The following RSPO2 variants were observed in gnomAD, a reference collection of about 807,000 sequenced individuals.
The protein encoded by RSPO2 is R-spondin 2.
RSPO2 carries 14 observed loss-of-function variants against 30.9 expected under a neutral mutation model. That is an observed-to-expected ratio of 0.45 (90% CI 0.30 to 0.71). The LOEUF is 0.71. RSPO2 is among the 30% of genes least tolerant of loss of function. The pLI is 0.08. For missense variants in RSPO2, 264 were observed against 301.9 expected (o/e 0.87, Z 0.93); for synonymous variants, 107 against 96.4 (o/e 1.11, Z -0.64).
In RSPO2 at chr8:107,929,064, C is replaced by T. The variant is rs796663831; in HGVS notation, c.617-27874G>A. On this transcript the variant is annotated intron_variant, in intron 5 of 5. Transcript: ENST00000276659. ...TGACACTGTTGCAAGGCCAATGCCACGGCTGCTGCCACAGCTCAGTCACAC... is the reference window on the plus strand; with the variant it reads ...TGACACTGTTGCAAGGCCAATGCCATGGCTGCTGCCACAGCTCAGTCACAC... Among the ~76,000 whole-genome samples, 33 of 152,278 alleles carry T rather than the reference C, an allele frequency of 2.2e-4. 1 individual carries two copies. Among genetic ancestry groups the T allele is most frequent in the East Asian group, 5.8e-4 (3 of 5,166 alleles).
chr8:107,974,225 G>C (rs1011831806), intron 3 of RSPO2, among the ~76,000 whole-genome samples: 5 of 151,478 alleles, frequency 3.3e-5, no homozygotes, highest in African/African-American at 1.2e-4. Context: ...AGCGGCTTAT[G>C]CCAGTAATTC....
intron 5 of RSPO2, among the ~76,000 whole-genome samples, chr8:107,923,422 C>T (rs992914962): frequency 2.0e-5 from 3 of 151,982 alleles, no homozygotes; most frequent in South Asian, 2.1e-4. Flanking sequence ...AAATATCAGA[C>T]GCTAGTGAGG....
chr8:107,972,929 T>C (rs914356270), intron 3 of RSPO2, among the ~76,000 whole-genome samples: 63 of 152,292 alleles, frequency 4.1e-4, no homozygotes, highest in African/African-American at 1.5e-3. Flanking sequence ...TTGAATGTTT[T>C]GATATTTTTA....
rs145901603 is a variant in RSPO2, at chr8:107,909,366, G to A, written c.617-8176C>T. Among the ~76,000 whole-genome samples the A allele has an allele frequency of 7.5e-3, 1,113 of 149,152 alleles. 11 individuals are homozygous for A. The highest frequency in any genetic ancestry group is 0.024 in the African/African-American group (995 of 40,868). Reference sequence around the variant, plus strand: ...CAACCTCCGCTTCCTGGCTTCAAGCGATTCTCCTGCCTCAGCCTCCTGAGT... The same window carrying A: ...CAACCTCCGCTTCCTGGCTTCAAGCAATTCTCCTGCCTCAGCCTCCTGAGT... On this transcript the variant is annotated intron_variant, in intron 5 of 5. Transcript: ENST00000276659.
Position 107,903,316 on chromosome 8 carries a change from G to T in RSPO2, c.617-2126C>A, listed in dbSNP as rs570209435. Among the ~76,000 whole-genome samples the T allele has an allele frequency of 9.2e-5, 14 of 152,136 alleles. No individual in the cohort carries two copies. In the South Asian group the frequency reaches 1.9e-3, roughly 20 times the overall value. On this transcript the variant is annotated intron_variant, in intron 5 of 5. Coordinates refer to ENST00000276659, the MANE Select transcript of RSPO2 (RefSeq NM_178565.5). ...ATTTTAATACTGAATATATGTTAAA[G>T]AATATATGTTAAAGAAAGCTTTTCA...
At chr8:107,925,248 C>T (rs1294060789) in intron 5 of RSPO2, among the ~76,000 whole-genome samples, 1 of 151,662 alleles carries the variant, frequency 6.6e-6, no homozygotes, top group Non-Finnish European at 1.5e-5. Context: ...AATCACCACT[C>T]GAGAACCCAT....
chr8:108,018,382 T>C (rs1000842226), intron 2 of RSPO2, among the ~76,000 whole-genome samples: 2 of 152,184 alleles, frequency 1.3e-5, no homozygotes, highest in African/African-American at 4.8e-5. Context: ...AACCAATATT[T>C]CCCAAACCTT....
intron 2 of RSPO2, chr8:107,996,796 T>C (rs761950758): frequency 2.0e-5 from 7 of 344,146 alleles, no homozygotes; most frequent in Non-Finnish European, 3.4e-5. Flanking sequence ...CACAAAGATC[T>C]CAGAGTCAAC....
At chr8:107,937,535 A>T (rs1812758246) in intron 5 of RSPO2, among the ~76,000 whole-genome samples, 1 of 149,592 alleles carries the variant, frequency 6.7e-6, no homozygotes, top group Non-Finnish European at 1.5e-5. Context: ...ATCTGAAGGC[A>T]TTTTTTTTCC....
chr8:108,070,650 T>C (rs147496888), intron 2 of RSPO2, among the ~76,000 whole-genome samples: 95 of 152,216 alleles, frequency 6.2e-4, no homozygotes, highest in African/African-American at 2.1e-3. Context: ...CAACAAGACT[T>C]TATATTTAAC....
chr8:107,914,724 C>T (rs943980502), intron 5 of RSPO2, among the ~76,000 whole-genome samples: 3 of 152,104 alleles, frequency 2.0e-5, no homozygotes, highest in African/African-American at 7.2e-5. Flanking sequence ...TGAATTAAGA[C>T]ACTTCTGGAA....
chr8:107,989,316 A>C, intron 2 of RSPO2, 72 bp from the exon 3 acceptor site: 1 of 916,976 alleles, frequency 1.1e-6, no homozygotes, highest in Non-Finnish European at 1.6e-6. Flanking sequence ...ACCTGCTGAA[A>C]AGACAAATGT....
At chr8:108,009,855 G>C (rs1016222322) in intron 2 of RSPO2, among the ~76,000 whole-genome samples, 1 of 152,046 alleles carries the variant, frequency 6.6e-6, no homozygotes, top group Non-Finnish European at 1.5e-5. Flanking sequence ...TTCAAGACAA[G>C]CCTGGATGAC....
chr8:107,951,834 G>C (rs2130412148), intron 5 of RSPO2, among the ~76,000 whole-genome samples: 1 of 152,160 alleles, frequency 6.6e-6, no homozygotes, highest in African/African-American at 2.4e-5. Flanking sequence ...TCCACGTTCT[G>C]AGTGTTTTGC....
At chr8:107,941,533 T>C (rs1028775345) in intron 5 of RSPO2, among the ~76,000 whole-genome samples, 2 of 152,214 alleles carry the variant, frequency 1.3e-5, no homozygotes, top group African/African-American at 4.8e-5. Flanking sequence ...TCCATTAAGA[T>C]AGCCCCCGGC....
At chr8:108,064,259 G>A (rs1219591790) in intron 2 of RSPO2, among the ~76,000 whole-genome samples, 1 of 151,936 alleles carries the variant, frequency 6.6e-6, no homozygotes, top group Non-Finnish European at 1.5e-5. Flanking sequence ...CAGAATGGGA[G>A]AAAATTTTTG....
intron 5 of RSPO2, among the ~76,000 whole-genome samples, chr8:107,920,066 G>A (rs1812104410): frequency 6.6e-6 from 1 of 151,982 alleles, no homozygotes; most frequent in Non-Finnish European, 1.5e-5. Context: ...CTGTATATAT[G>A]AACAAGATAT....
intron 5 of RSPO2, among the ~76,000 whole-genome samples, chr8:107,928,236 T>C (rs112467691): frequency 2.6e-5 from 4 of 152,202 alleles, no homozygotes; most frequent in Admixed American, 6.5e-5. Flanking sequence ...CCAGGTTCCA[T>C]ATAATCTCTA....
intron 5 of RSPO2, among the ~76,000 whole-genome samples, chr8:107,949,706 C>A (rs1462836379): frequency 6.6e-6 from 1 of 152,090 alleles, no homozygotes; most frequent in Non-Finnish European, 1.5e-5. Context: ...ATAATAGAAA[C>A]TGGAGACTCA....
Sources: allele counts gnomAD v4.1 joint callset (sites outside exome capture counted in the v4.1 genomes callset), GRCh38; gene constraint gnomAD v4.1.1; transcripts MANE v1.5; gene names NCBI Gene and HGNC (gene_info 2026-07-23, HGNC 2026-07-21).